Variants in MARCHF1 observed in about 807,000 individuals in gnomAD.
MARCHF1 encodes membrane associated ring-CH-type finger 1, also known as E3 ubiquitin-protein ligase MARCHF1.
Under a neutral mutation model 54.2 loss-of-function variants are expected in MARCHF1, and 40 were observed. The ratio of observed to expected loss-of-function variants is 0.74; its 90% CI spans 0.57 to 0.96. The LOEUF (loss-of-function observed/expected upper bound fraction) is 0.96. Among genes scored for constraint, MARCHF1 ranks in the 40% least tolerant of loss-of-function variants. MARCHF1 has a pLI of 0.00. For missense variants in MARCHF1, 586 were observed against 656.5 expected, an observed-to-expected ratio of 0.89 and a Z score of 1.17; for synonymous variants, 236 against 236.3, an observed-to-expected ratio of 1.00 and a Z score of 0.01.
intron 1 of MARCHF1, among the ~76,000 whole-genome samples, chr4:164,156,945 A>T (rs953814796): frequency 6.6e-6 from 1 of 152,190 alleles, no homozygotes; most frequent in Non-Finnish European, 1.5e-5. Flanking sequence ...AGATTTGTTC[A>T]TGCGTTAAAG....
At chr4:164,369,207 C>G (rs1368202616) in intron 1 of MARCHF1, among the ~76,000 whole-genome samples, 1 of 152,138 alleles carries the variant, frequency 6.6e-6, no homozygotes, top group African/African-American at 2.4e-5. Context: ...GAAAGCATTC[C>G]CTTTAGCTGG....
At chr4:163,928,042 G>GTA (rs1172558969) in intron 3 of MARCHF1, among the ~76,000 whole-genome samples, 4 of 151,564 alleles carry the variant, frequency 2.6e-5, no homozygotes, top group South Asian at 4.2e-4. Flanking sequence ...GTTGAATGGG[G>GTA]TATATATATA....
At position 164,375,360 on chromosome 4, in the gene MARCHF1, A is replaced by G. The variant is rs372066752; in HGVS notation, c.-323+8510T>C. ...TATATAAATTTTATAACTATGTAAA[A>G]ACTACTTAGTTATATGGAACTTAAA... On this transcript the variant is annotated intron_variant, in intron 1 of 9. Coordinates refer to ENST00000514618, the MANE Select transcript of MARCHF1 (RefSeq NM_001394959.1). Among the ~76,000 whole-genome samples the G allele has an allele frequency of 2.5e-4, 38 of 152,296 alleles. 4 individuals carry two copies. The East Asian group carries it at 3.7e-3, about 15-fold the overall frequency.
At chr4:164,020,964 T>C (rs2110967108) in intron 2 of MARCHF1, among the ~76,000 whole-genome samples, 1 of 152,228 alleles carries the variant, frequency 6.6e-6, no homozygotes, top group African/African-American at 2.4e-5. Flanking sequence ...GTGTAGGAAG[T>C]GCTCATTTGT....
intron 2 of MARCHF1, among the ~76,000 whole-genome samples, chr4:164,001,223 A>C (rs1405007434): frequency 1.3e-5 from 2 of 151,774 alleles, no homozygotes; most frequent in Admixed American, 1.3e-4. Flanking sequence ...TACTAGAAAA[A>C]TACTTAGTAA....
rs535081176 is a variant in MARCHF1 at position 164,302,905 on chromosome 4, C to G, written c.-323+80965G>C. Among the ~76,000 whole-genome samples, 3 of 147,638 alleles carry G rather than the reference C, an allele frequency of 2.0e-5. No homozygotes were observed. The East Asian group carries it at 5.9e-4, about 29-fold the overall frequency. ...AAAAAAAAAAAGATATTCTATTTCG[C>G]ATGCTATTAAAGCCTGAAGAAAGAA... On this transcript the variant is annotated intron_variant, in intron 1 of 9. Coordinates refer to ENST00000514618, the MANE Select transcript of MARCHF1 (RefSeq NM_001394959.1).
At chr4:163,974,668 T>C (rs748969560) in intron 3 of MARCHF1, among the ~76,000 whole-genome samples, 19 of 152,224 alleles carry the variant, frequency 1.2e-4, no homozygotes, top group Non-Finnish European at 2.1e-4. Flanking sequence ...AATAGATATA[T>C]GGTACCTGAA....
At chr4:164,285,102 C>T in intron 1 of MARCHF1, among the ~76,000 whole-genome samples, 1 of 152,176 alleles carries the variant, frequency 6.6e-6, no homozygotes, top group Admixed American at 6.5e-5. Flanking sequence ...CTCTGCTGAA[C>T]AATTACATAC....
At chr4:164,147,174 C>T (rs1451748665) in intron 1 of MARCHF1, among the ~76,000 whole-genome samples, 2 of 151,794 alleles carry the variant, frequency 1.3e-5, no homozygotes, top group African/African-American at 4.9e-5. Flanking sequence ...CAGGAAACAA[C>T]AGGTGCTGGA....
chr4:164,187,193 C>T (rs1579605572), intron 1 of MARCHF1, among the ~76,000 whole-genome samples: 1 of 152,098 alleles, frequency 6.6e-6, no homozygotes, highest in East Asian at 1.9e-4. Flanking sequence ...CAGCTTTGTT[C>T]GAGGAAATCT....
At chr4:164,057,788 G>A (rs1202383233) in intron 2 of MARCHF1, among the ~76,000 whole-genome samples, 2 of 152,134 alleles carry the variant, frequency 1.3e-5, no homozygotes, top group South Asian at 2.1e-4. Context: ...TCTTAATAAG[G>A]CACCATAATT....
At chr4:163,732,955 C>T (rs967843562) in intron 4 of MARCHF1, among the ~76,000 whole-genome samples, 1 of 151,368 alleles carries the variant, frequency 6.6e-6, no homozygotes, top group African/African-American at 2.4e-5. Flanking sequence ...AGTTCAAGAC[C>T]AGCCTGGCCA....
chr4:163,746,638 G>A (rs532719037), intron 4 of MARCHF1, among the ~76,000 whole-genome samples: 4 of 152,150 alleles, frequency 2.6e-5, no homozygotes, highest in South Asian at 2.1e-4. Flanking sequence ...TATCCTGTTC[G>A]CACACTCTGG....
chr4:163,735,830 A>T lies in MARCHF1; in HGVS notation c.112-34967T>A, dbSNP rs569984263. Among the ~76,000 whole-genome samples the T allele has an allele frequency of 1.6e-4, 24 of 152,258 alleles. No individual in the cohort carries two copies. In the East Asian group the frequency reaches 3.5e-3, roughly 22 times the overall value. ...TTCTATTTTTTCTTGAGATATGTTG[A>T]TATATGTGTTAGGATTGGAGTCTTA... is the stretch of plus-strand genomic sequence containing the variant. On this transcript the variant is annotated intron_variant, in intron 4 of 9. Coordinates refer to ENST00000514618, the MANE Select transcript of MARCHF1 (RefSeq NM_001394959.1).
rs1177013599 is a variant in MARCHF1 at position 163,722,126 on chromosome 4, T to C, written c.112-21263A>G. Among the ~76,000 whole-genome samples the C allele has an allele frequency of 4.6e-5, 7 of 152,276 alleles. No homozygotes were observed. The South Asian group carries it at 1.0e-3, about 23-fold the overall frequency. On this transcript the variant is annotated intron_variant, in intron 4 of 9. Transcript: ENST00000514618. The stretch of plus-strand genomic sequence containing the variant: ...GGTTCTTTTAATTGTGATGTTAGGG[T>C]GTCAATTTTAGATCTTTCCTGCTTT...
chr4:163,978,930 T>G (rs1361952722), intron 3 of MARCHF1, among the ~76,000 whole-genome samples: 1 of 151,850 alleles, frequency 6.6e-6, no homozygotes, highest in East Asian at 1.9e-4. Flanking sequence ...TATCATTATG[T>G]TGCCGGCGAT....
chr4:164,132,529 A>T (rs2110823060), intron 1 of MARCHF1, among the ~76,000 whole-genome samples: 1 of 152,284 alleles, frequency 6.6e-6, no homozygotes, highest in Admixed American at 6.6e-5. Context: ...GTGATCATCA[A>T]CTATAAATGC....
At chr4:164,354,369 A>G (rs1204706777) in intron 1 of MARCHF1, among the ~76,000 whole-genome samples, 1 of 137,270 alleles carries the variant, frequency 7.3e-6, no homozygotes, top group Non-Finnish European at 1.6e-5. Context: ...CCTCAATAAA[A>G]TACTGGAAAA....
intron 4 of MARCHF1, among the ~76,000 whole-genome samples, chr4:163,851,184 T>C (rs1749632509): frequency 2.0e-5 from 3 of 152,180 alleles, no homozygotes; most frequent in Non-Finnish European, 4.4e-5. Context: ...ACTTCAAACA[T>C]GGTTAAGTAG....
Sources: gnomAD v4.1 joint callset for allele counts (sites outside exome capture counted in the v4.1 genomes callset) on GRCh38, gnomAD v4.1.1 for gene constraint, MANE v1.5 for transcripts, NCBI Gene and HGNC (gene_info 2026-07-23, HGNC 2026-07-21) for gene names.